FAM168A: variants seen among roughly 807,000 people sequenced by gnomAD.
FAM168A encodes protein FAM168A.
Under a neutral mutation model 28.5 loss-of-function variants are expected in FAM168A, and 3 were observed. The observed-to-expected ratio is 0.11, with a 90% confidence interval of 0.05 to 0.27. FAM168A has a LOEUF of 0.27. Among genes scored for constraint, FAM168A ranks in the 10% least tolerant of loss-of-function variants. FAM168A has a pLI of 1.00. For synonymous variants in FAM168A, 122 were observed against 124.2 expected (o/e 0.98, Z 0.12); for missense variants, 222 against 311.5 (o/e 0.71, Z 2.16).
chr11:73,514,810 G>C lies in FAM168A; in HGVS notation c.-18-46318C>G, dbSNP rs543500465. On this transcript the variant is annotated intron_variant, in intron 1 of 7. Coordinates refer to ENST00000356467, the MANE Select transcript of FAM168A (RefSeq NM_015159.3). ...ATTACAGTACTGCATTCCAGCCTGT[G>C]TGACAGAGTGAGACTCTGCCATCCA... 2.5e-4 allele frequency among the ~76,000 whole-genome samples: 38 copies of C among 151,058 alleles called. 1 individual carries two copies. In the South Asian group the frequency reaches 8.0e-3, roughly 32 times the overall value.
intron 1 of FAM168A, among the ~76,000 whole-genome samples, chr11:73,477,645 C>T (rs976546374): frequency 7.9e-5 from 12 of 151,944 alleles, no homozygotes; most frequent in African/African-American, 2.9e-4. Context: ...AACAGCTGAC[C>T]GGAGGCCAGA....
chr11:73,478,520 T>A (rs533089917), intron 1 of FAM168A, among the ~76,000 whole-genome samples: 2,794 of 152,172 alleles, frequency 0.018, 69 homozygotes, highest in African/African-American at 0.057. Flanking sequence ...GGAAAAAAAG[T>A]CTAAAATGAT....
chr11:73,431,057 T>G (rs1866982727), intron 2 of FAM168A, among the ~76,000 whole-genome samples: 1 of 151,054 alleles, frequency 6.6e-6, no homozygotes, highest in Non-Finnish European at 1.5e-5. Flanking sequence ...AAAAAAAAAG[T>G]AAGTGGCCAG....
At chr11:73,588,418 C>T (rs576565840) in intron 1 of FAM168A, among the ~76,000 whole-genome samples, 2 of 152,202 alleles carry the variant, frequency 1.3e-5, no homozygotes, top group Admixed American at 6.5e-5. Context: ...TGGCCAGGTG[C>T]GGTGGCCCAC....
At chr11:73,460,074 G>T (rs1456733234) in intron 2 of FAM168A, among the ~76,000 whole-genome samples, 1 of 151,934 alleles carries the variant, frequency 6.6e-6, no homozygotes, top group African/African-American at 2.4e-5. Context: ...TAGAGACGGG[G>T]TTTCACCGTG....
chr11:73,442,955 GATATATAT>G (rs58430278), intron 2 of FAM168A, among the ~76,000 whole-genome samples: 1,664 of 40,180 alleles, frequency 0.041, 87 homozygotes, highest in African/African-American at 0.097. Flanking sequence ...ATATACAAAG[GATATATAT>G]ATATATATAT....
At chr11:73,532,354 T>C (rs1943524335) in intron 1 of FAM168A, among the ~76,000 whole-genome samples, 1 of 152,122 alleles carries the variant, frequency 6.6e-6, no homozygotes, top group African/African-American at 2.4e-5. Context: ...GAGTAATGTA[T>C]ATAAAATTGC....
At chr11:73,579,118 A>G (rs11235809) in intron 1 of FAM168A, among the ~76,000 whole-genome samples, 30,111 of 152,016 alleles carry the variant, frequency 0.2, 4,770 homozygotes, top group African/African-American at 0.44. Flanking sequence ...CTTCTTATAC[A>G]GGCACTTATA....
chr11:73,488,369 G>A (rs1461537047), intron 1 of FAM168A, among the ~76,000 whole-genome samples: 3 of 151,938 alleles, frequency 2.0e-5, no homozygotes, highest in African/African-American at 4.8e-5. Context: ...GACCTCAGGC[G>A]ATTTGCCCAC....
rs1340303544 is a variant in FAM168A, at chr11:73,402,206, A to T, written c.*4557T>A. On this transcript the variant is annotated 3_prime_UTR_variant, in exon 8 of 8. Transcript: ENST00000356467. Reference sequence around the variant, plus strand: ...GCAGACTTCCACGTATTTTCACTTAACTGCAATTGAGGAGGAATTCTGATA... The same window carrying T: ...GCAGACTTCCACGTATTTTCACTTATCTGCAATTGAGGAGGAATTCTGATA... 6.6e-6 allele frequency: 1 copy of T among 152,236 alleles called. No individual in the cohort carries two copies. Among genetic ancestry groups the T allele is most frequent in the Non-Finnish European group, 1.5e-5 (1 of 68,050 alleles). 9.4% of individuals were successfully genotyped at this position (152,236 alleles called of 1,614,324 possible).
intron 1 of FAM168A, among the ~76,000 whole-genome samples, chr11:73,542,037 C>G (rs1943663541): frequency 2.0e-5 from 3 of 152,194 alleles, no homozygotes; most frequent in Non-Finnish European, 4.4e-5. Flanking sequence ...GGTTCTTCCT[C>G]TACCTCACTG....
At chr11:73,553,236 C>T (rs1247464743) in intron 1 of FAM168A, among the ~76,000 whole-genome samples, 1 of 151,798 alleles carries the variant, frequency 6.6e-6, no homozygotes, top group Non-Finnish European at 1.5e-5. Context: ...TTCAACGAGA[C>T]CTTAATCCCT....
intron 1 of FAM168A, among the ~76,000 whole-genome samples, chr11:73,506,730 T>TA (rs1210663018): frequency 6.6e-6 from 1 of 152,194 alleles, no homozygotes; most frequent in African/African-American, 2.4e-5. Flanking sequence ...TAATATACTA[T>TA]ATATCACATA....
At chr11:73,546,108 G>A (rs563520680) in intron 1 of FAM168A, among the ~76,000 whole-genome samples, 2 of 152,112 alleles carry the variant, frequency 1.3e-5, no homozygotes, top group African/African-American at 4.8e-5. Flanking sequence ...AAGCTTCTAT[G>A]GATTAATAAA....
intron 1 of FAM168A, among the ~76,000 whole-genome samples, chr11:73,492,957 T>C (rs148542446): frequency 6.6e-5 from 10 of 152,316 alleles, no homozygotes; most frequent in African/African-American, 2.4e-4. Flanking sequence ...TTCTCACTTA[T>C]AAGCAGGAAC....
intron 1 of FAM168A, among the ~76,000 whole-genome samples, chr11:73,569,825 AAAATAAATAAAT>A (rs111950693): frequency 0.03 from 4,420 of 145,782 alleles, 218 homozygotes; most frequent in African/African-American, 0.11. Context: ...CTCCACCTCA[AAAATAAATAAAT>A]AAATAAATAA....
At chr11:73,460,870 G>A (rs1867634424) in intron 2 of FAM168A, among the ~76,000 whole-genome samples, 1 of 152,112 alleles carries the variant, frequency 6.6e-6, no homozygotes, top group South Asian at 2.1e-4. Flanking sequence ...TCAGAGAGGT[G>A]GGAAATGACC....
intron 1 of FAM168A, among the ~76,000 whole-genome samples, chr11:73,572,591 C>G (rs1290530970): frequency 1.5e-4 from 22 of 150,144 alleles, no homozygotes; most frequent in African/African-American, 5.2e-4. Flanking sequence ...ACCCTGTGCT[C>G]TCTGAAACAT....
chr11:73,498,844 C>T (rs1854944973), intron 1 of FAM168A, among the ~76,000 whole-genome samples: 1 of 152,178 alleles, frequency 6.6e-6, no homozygotes, highest in African/African-American at 2.4e-5. Context: ...CAGCCAGAGG[C>T]TCAGGGATGG....
Sources: gnomAD v4.1 joint callset for allele counts (sites outside exome capture counted in the v4.1 genomes callset) on GRCh38, gnomAD v4.1.1 for gene constraint, MANE v1.5 for transcripts, NCBI Gene and HGNC (gene_info 2026-07-23, HGNC 2026-07-21) for gene names.